Variants in DPYSL5 observed in about 807,000 individuals in gnomAD.
DPYSL5 encodes the protein dihydropyrimidinase like 5.
In DPYSL5, 9 loss-of-function variants were observed where a neutral mutation model predicts 58.4. The observed-to-expected ratio is 0.15, with a 90% CI of 0.09 to 0.27. The LOEUF is 0.27. Ranked by LOEUF, DPYSL5 falls within the 10% of genes least tolerant of loss-of-function variation. The pLI is 1.00. For missense variants in DPYSL5, 499 were observed against 770.6 expected, an observed-to-expected ratio of 0.65 and a Z score of 4.17; for synonymous variants, 293 against 301.9, an observed-to-expected ratio of 0.97 and a Z score of 0.31.
At chr2:26,894,303 C>T (rs1204890590) in intron 1 of DPYSL5, among the ~76,000 whole-genome samples, 1 of 152,074 alleles carries the variant, frequency 6.6e-6, no homozygotes, top group Non-Finnish European at 1.5e-5. Flanking sequence ...TTCTCAAATC[C>T]ACTCATTCTG....
intron 5 of DPYSL5, among the ~76,000 whole-genome samples, chr2:26,931,152 A>AAAAAAAATATAT (rs1209140758): frequency 2.0e-4 from 10 of 48,822 alleles, no homozygotes; most frequent in Admixed American, 1.1e-3. Context: ...AAAAAAAAAA[A>AAAAAAAATATAT]ATATATATAT....
Position 26,946,994 on chromosome 2 carries a change from A to G in DPYSL5, c.1694A>G (p.Ter565=), listed in dbSNP as rs1215913263. The G allele has an allele frequency of 6.2e-7, 1 of 1,611,550 alleles. No individual in the cohort carries two copies. Among genetic ancestry groups the G allele is most frequent in the Non-Finnish European group, 8.5e-7 (1 of 1,178,072 alleles). Residue 565 remains the stop codon, a stop_retained_variant, in exon 13 of 13, where the codon TAA becomes TGA. Coordinates refer to ENST00000288699, the MANE Select transcript of DPYSL5 (RefSeq NM_020134.4). ...PPGGRSSGIW[*] Reference sequence around the variant, plus strand: ...GGAGGCAGGTCGAGTGGCATTTGGTAAAGGCATTGCCAAGCCCCCCGAGTG... The same window carrying G: ...GGAGGCAGGTCGAGTGGCATTTGGTGAAGGCATTGCCAAGCCCCCCGAGTG...
chr2:26,942,478 C>A lies in DPYSL5; in HGVS notation c.1233-65C>A. On this transcript the variant is annotated intron_variant, in intron 10 of 12. Coordinates refer to ENST00000288699, the MANE Select transcript of DPYSL5 (RefSeq NM_020134.4). The surrounding 1 kb of genome is among the most constrained non-coding windows in gnomAD (Gnocchi z 5.9). ...AACCAGCCTTTGGGGCTCACCCCTCCCATGGAGCTGTGACATTTTGACCTG... is the reference window on the plus strand; with the variant it reads ...AACCAGCCTTTGGGGCTCACCCCTCACATGGAGCTGTGACATTTTGACCTG... 1 of 1,534,106 alleles carries A rather than the reference C, an allele frequency of 6.5e-7. No individual in the cohort carries two copies. Among genetic ancestry groups the A allele is most frequent in the Non-Finnish European group, 8.9e-7 (1 of 1,128,750 alleles).
intron 9 of DPYSL5, among the ~76,000 whole-genome samples, chr2:26,940,455 A>G (rs1386812029): frequency 6.6e-6 from 1 of 151,068 alleles, no homozygotes; most frequent in Non-Finnish European, 1.5e-5. Context: ...ACTACTATTA[A>G]CATTTTAATA....
At chr2:26,900,103 G>T (rs1420799219) in intron 2 of DPYSL5, among the ~76,000 whole-genome samples, 1 of 152,156 alleles carries the variant, frequency 6.6e-6, no homozygotes, top group South Asian at 2.1e-4. Flanking sequence ...TGCAGAAATT[G>T]TAAGTACACA....
At chr2:26,851,117 G>A (rs947810151) in intron 1 of DPYSL5, among the ~76,000 whole-genome samples, 1 of 152,086 alleles carries the variant, frequency 6.6e-6, no homozygotes, top group Non-Finnish European at 1.5e-5. Flanking sequence ...GACAGTGAAG[G>A]TTTTTTCTTG....
At chr2:26,930,240 G>A (rs1327025659) in intron 5 of DPYSL5, among the ~76,000 whole-genome samples, 1 of 152,082 alleles carries the variant, frequency 6.6e-6, no homozygotes, top group Non-Finnish European at 1.5e-5. Flanking sequence ...AGCAAGGGGT[G>A]GACACACACA....
At position 26,851,991 on chromosome 2, in the gene DPYSL5, C is replaced by A. The variant is rs1572666189; in HGVS notation, c.-5+3737C>A. Among the ~76,000 whole-genome samples, 4 of 152,182 alleles carry A rather than the reference C, an allele frequency of 2.6e-5. No homozygotes were observed. In the South Asian group the frequency reaches 8.3e-4, roughly 32 times the overall value. On this transcript the variant is annotated intron_variant, in intron 1 of 12. Coordinates refer to ENST00000288699, the MANE Select transcript of DPYSL5 (RefSeq NM_020134.4). ...GTGTGTTCAGATCATTTTCTTGGGG[C>A]ATAGAAAAATATTGAGAGCCAGAGA...
At chr2:26,858,774 A>G (rs951149399) in intron 1 of DPYSL5, among the ~76,000 whole-genome samples, 5 of 143,238 alleles carry the variant, frequency 3.5e-5, no homozygotes, top group African/African-American at 1.3e-4. Context: ...GGGTCTCCCT[A>G]TGTTGCCCAG....
intron 1 of DPYSL5, among the ~76,000 whole-genome samples, chr2:26,862,804 G>T (rs1194221930): frequency 6.6e-6 from 1 of 152,214 alleles, no homozygotes; most frequent in Non-Finnish European, 1.5e-5. Flanking sequence ...GGGAGGCTGG[G>T]ACGGAGCTGT....
intron 2 of DPYSL5, among the ~76,000 whole-genome samples, chr2:26,916,460 C>T (rs1664566153): frequency 6.6e-6 from 1 of 152,172 alleles, no homozygotes; most frequent in Non-Finnish European, 1.5e-5. Flanking sequence ...TCCTAAACTT[C>T]ACACTCCCTA....
At chr2:26,892,215 G>A (rs1192376099) in intron 1 of DPYSL5, among the ~76,000 whole-genome samples, 4 of 152,170 alleles carry the variant, frequency 2.6e-5, no homozygotes, top group Non-Finnish European at 4.4e-5. Context: ...CTTAAAGTGA[G>A]GCTAACACTT....
intron 1 of DPYSL5, among the ~76,000 whole-genome samples, chr2:26,870,643 C>T (rs1663237863): frequency 6.6e-6 from 1 of 150,488 alleles, no homozygotes; most frequent in Non-Finnish European, 1.5e-5. Context: ...GAGGTTGAGG[C>T]TGCAGTGAGC....
intron 1 of DPYSL5, among the ~76,000 whole-genome samples, chr2:26,887,356 C>T (rs1490681155): frequency 1.3e-5 from 2 of 152,210 alleles, no homozygotes; most frequent in African/African-American, 2.4e-5. Flanking sequence ...CAGAGGCCCC[C>T]AGCATCCTCC....
chr2:26,858,880 T>C (rs1423343663), intron 1 of DPYSL5, among the ~76,000 whole-genome samples: 2 of 152,260 alleles, frequency 1.3e-5, no homozygotes, highest in Non-Finnish European at 2.9e-5. Flanking sequence ...GGCCTAATTT[T>C]GTACTTTAAA....
At chr2:26,901,652 A>G (rs1664158439) in intron 2 of DPYSL5, among the ~76,000 whole-genome samples, 1 of 152,154 alleles carries the variant, frequency 6.6e-6, no homozygotes, top group Admixed American at 6.5e-5. Context: ...TAGAACAGTA[A>G]TCCCAAGGAA....
rs373326571 is a variant in DPYSL5, at chr2:26,936,919, G to A, written c.947+2185G>A. 8.6e-4 allele frequency among the ~76,000 whole-genome samples: 96 copies of A among 111,946 alleles called. 2 individuals are homozygous for A. The highest frequency in any genetic ancestry group is 2.9e-3 in the African/African-American group (86 of 29,326). 73.4% of individuals were successfully genotyped at this position (111,946 alleles called of 152,430 possible). ...TGAGATCGCACAACTGCACTCCAGC[G>A]TGGGCAACAAGAGCAAGACTTCATT... On this transcript the variant is annotated intron_variant, in intron 8 of 12. Transcript: ENST00000288699.
intron 1 of DPYSL5, among the ~76,000 whole-genome samples, chr2:26,891,703 C>T (rs1002861996): frequency 6.6e-6 from 1 of 151,880 alleles, no homozygotes; most frequent in Non-Finnish European, 1.5e-5. Flanking sequence ...GACAGAGTCT[C>T]GCTCTGTTGC....
At position 26,934,921 on chromosome 2, in the gene DPYSL5, G is replaced by A. The variant is rs778041471; in HGVS notation, c.947+187G>A. On this transcript the variant is annotated intron_variant, in intron 8 of 12. Transcript: ENST00000288699. The surrounding 1 kb of genome is among the most constrained non-coding windows in gnomAD (Gnocchi z 4.3). The stretch of plus-strand genomic sequence containing the variant: ...TTGGGATTTTATGACCGCTTGATAT[G>A]GAGTGAGATCTTCTGAAGTATAAGA... 1.3e-5 allele frequency among the ~76,000 whole-genome samples: 2 copies of A among 152,176 alleles called. No homozygotes were observed. Among genetic ancestry groups the A allele is most frequent in the African/African-American group, 2.4e-5 (1 of 41,450 alleles).
Sources: gnomAD v4.1 joint callset for allele counts (sites outside exome capture counted in the v4.1 genomes callset) on GRCh38, gnomAD v4.1.1 for gene constraint, Gnocchi (gnomAD v3.1) non-coding constraint, MANE v1.5 for transcripts, NCBI Gene and HGNC (gene_info 2026-07-23, HGNC 2026-07-21) for gene names.